Variants in ALG9 observed in about 807,000 individuals in gnomAD.
The protein encoded by ALG9 is alpha-1,2-mannosyltransferase ALG9.
ALG9 carries 55 observed loss-of-function variants against 81.8 expected under a neutral mutation model. The ratio of observed to expected loss-of-function variants is 0.67; its 90% CI spans 0.54 to 0.84. The LOEUF is 0.84. ALG9 is among the 40% of genes least tolerant of loss of function. The pLI, the probability that ALG9 is intolerant of heterozygous loss-of-function variation, is 0.00. For synonymous variants in ALG9, 278 were observed against 274.3 expected (o/e 1.01, Z -0.13); for missense variants, 629 against 745.0 (o/e 0.84, Z 1.81).
At chr11:111,776,465 G>A in the ALG9 span, among the ~76,000 whole-genome samples, 3 of 152,258 alleles carry the variant, frequency 2.0e-5, no homozygotes, top group East Asian at 5.8e-4. Context: ...TGGCGTACCT[G>A]TAATCCCAGC....
chr11:111,799,585 T>C (rs1380437768), intron 14 of ALG9, among the ~76,000 whole-genome samples: 3 of 151,820 alleles, frequency 2.0e-5, no homozygotes, highest in Non-Finnish European at 4.4e-5. Context: ...ATCAAATAAG[T>C]AAACCATGGG....
At position 111,785,808 on chromosome 11, in the gene ALG9, C is replaced by G; in HGVS notation, c.*589G>C. On this transcript the variant is annotated 3_prime_UTR_variant, in exon 15 of 15. Transcript: ENST00000616540. ...GGTCACCTTTTTCCTGAGATAGCTC[C>G]AGGACAGGGTCCTAGTCCTGTGAAG... 3.5e-6 allele frequency: 1 copy of G among 285,918 alleles called. No homozygotes were observed. The highest frequency in any genetic ancestry group is 3.4e-5 in the South Asian group (1 of 29,262). The allele number at this position is 285,918 out of a possible 1,614,324, so 17.7% of individuals were successfully genotyped here.
chr11:111,785,874 A>G lies in ALG9; in HGVS notation c.*523T>C, dbSNP rs536072357. ...TAGTCTTGCTGGAGGTGAAAAGGACATGTGGGTTGGCAACTAGGCTGTGTT... is the reference window on the plus strand; with the variant it reads ...TAGTCTTGCTGGAGGTGAAAAGGACGTGTGGGTTGGCAACTAGGCTGTGTT... On this transcript the variant is annotated 3_prime_UTR_variant, in exon 15 of 15. Transcript: ENST00000616540. 173 of 372,990 alleles carry G rather than the reference A, an allele frequency of 4.6e-4. 2 individuals carry two copies. In the Middle Eastern group the frequency reaches 8.2e-3, roughly 18 times the overall value. 23.1% of individuals were successfully genotyped at this position (372,990 alleles called of 1,614,324 possible).
intron 6 of ALG9, among the ~76,000 whole-genome samples, chr11:111,854,547 A>G (rs1317439806): frequency 6.6e-6 from 1 of 152,160 alleles, no homozygotes; most frequent in Non-Finnish European, 1.5e-5. Flanking sequence ...CTGGAATTAC[A>G]GGCATGAGCC....
At chr11:111,781,117 T>A (rs1945912034), downstream of ALG9, among the ~76,000 whole-genome samples, 1 of 152,218 alleles carries the variant, frequency 6.6e-6, no homozygotes, top group Non-Finnish European at 1.5e-5. Flanking sequence ...GACTTCTCCT[T>A]CCTGGAATTA....
At chr11:111,845,038 A>G (rs1555127888) in intron 8 of ALG9, 2 of 299,782 alleles carry the variant, frequency 6.7e-6, no homozygotes. Context: ...GAAGCACCAA[A>G]TAATTTAAAT....
intron 14 of ALG9, chr11:111,805,225 G>A (rs190370859): frequency 6.6e-6 from 3 of 456,026 alleles, no homozygotes; most frequent in African/African-American, 4.0e-5. Context: ...GCCATGTGAG[G>A]ATACAAGTCA....
At chr11:111,793,557 C>T (rs989879917) in intron 14 of ALG9, among the ~76,000 whole-genome samples, 2 of 151,970 alleles carry the variant, frequency 1.3e-5, no homozygotes, top group South Asian at 4.2e-4. Flanking sequence ...GTCAGGAGAG[C>T]AAGACCATCC....
chr11:111,842,923 A>G (rs1462367644), intron 9 of ALG9, among the ~76,000 whole-genome samples: 1 of 151,832 alleles, frequency 6.6e-6, no homozygotes, highest in African/African-American at 2.4e-5. Context: ...GCATTTCCAA[A>G]TTTTCCACAA....
the ALG9 span, among the ~76,000 whole-genome samples, chr11:111,774,986 C>T: frequency 6.6e-6 from 1 of 152,156 alleles, no homozygotes; most frequent in Non-Finnish European, 1.5e-5. Context: ...CAGGGTCTCA[C>T]CATGTTGCCC....
chr11:111,824,163 G>A lies in ALG9; in HGVS notation c.1602+12002C>T, dbSNP rs564252508. ...AAATTCTGGGTTTCTTTCATAAATC[G>A]GACTTTTAAAATATCAGTGTATATA... On this transcript the variant is annotated intron_variant, in intron 13 of 14. Coordinates refer to ENST00000616540, the MANE Select transcript of ALG9 (RefSeq NM_024740.2). Among the ~76,000 whole-genome samples, 16 of 152,086 alleles carry A rather than the reference G, an allele frequency of 1.1e-4. No individual in the cohort carries two copies. The South Asian group carries it at 2.3e-3, about 22-fold the overall frequency.
At chr11:111,860,367 A>G (rs898106068) in intron 5 of ALG9, among the ~76,000 whole-genome samples, 180 bp downstream of exon 5, 6 of 152,246 alleles carry the variant, frequency 3.9e-5, no homozygotes, top group African/African-American at 1.4e-4. Flanking sequence ...AGGTCAATCA[A>G]GATAATGTAG....
chr11:111,848,590 CAAAAAAA>C (rs60317912), intron 8 of ALG9, among the ~76,000 whole-genome samples: 16 of 50,230 alleles, frequency 3.2e-4, no homozygotes, highest in African/African-American at 8.2e-4. Flanking sequence ...AACTCCATCT[CAAAAAAA>C]AAAAAAAAAA....
At chr11:111,847,170 A>G (rs1461863794) in intron 8 of ALG9, among the ~76,000 whole-genome samples, 1 of 152,092 alleles carries the variant, frequency 6.6e-6, no homozygotes, top group African/African-American at 2.4e-5. Context: ...CGAGAGGGAA[A>G]AGCCACTAAG....
At chr11:111,781,374 CAGG>C (rs1555056859), downstream of ALG9, among the ~76,000 whole-genome samples, 1 of 152,144 alleles carries the variant, frequency 6.6e-6, no homozygotes. Flanking sequence ...GAGGTTGAGG[CAGG>C]AGGACTGTTT....
At chr11:111,770,331 T>C in the ALG9 span, among the ~76,000 whole-genome samples, 15 of 152,304 alleles carry the variant, frequency 9.8e-5, no homozygotes, top group Non-Finnish European at 2.1e-4. Flanking sequence ...TAAAAGTTCA[T>C]CTGGAAAAGT....
chr11:111,831,552 T>C (rs1954381938), intron 13 of ALG9, among the ~76,000 whole-genome samples: 1 of 152,214 alleles, frequency 6.6e-6, no homozygotes, highest in Non-Finnish European at 1.5e-5. Flanking sequence ...ACTTAATGTC[T>C]ATTTGGCCTT....
chr11:111,820,918 G>A (rs1257743714), intron 13 of ALG9, among the ~76,000 whole-genome samples: 10 of 93,408 alleles, frequency 1.1e-4, no homozygotes, highest in East Asian at 3.8e-4. Flanking sequence ...CCAAACACGC[G>A]CGCACACACA....
intron 5 of ALG9, 65 bp downstream of exon 5, chr11:111,860,482 C>T: frequency 1.5e-6 from 2 of 1,317,554 alleles, no homozygotes; most frequent in Admixed American, 1.7e-5. Context: ...ACCTGCAATT[C>T]CCTCATCTGC....
Sources: allele counts gnomAD v4.1 joint callset (sites outside exome capture counted in the v4.1 genomes callset), GRCh38; gene constraint gnomAD v4.1.1; transcripts MANE v1.5; gene names NCBI Gene and HGNC (gene_info 2026-07-23, HGNC 2026-07-21).